HPSE: variants seen among roughly 807,000 people sequenced by gnomAD.
The protein encoded by HPSE is heparanase.
HPSE carries 48 observed loss-of-function variants against 65.1 expected under a neutral mutation model. The observed-to-expected ratio is 0.74, with a 90% CI of 0.58 to 0.94. HPSE has a LOEUF of 0.94. Among genes scored for constraint, HPSE ranks in the 40% least tolerant of loss-of-function variants. The pLI is 0.00. For synonymous variants in HPSE, 243 were observed against 260.0 expected (o/e 0.93, Z 0.63); for missense variants, 644 against 637.5 (o/e 1.01, Z -0.11).
intron 4 of HPSE, 38 bp downstream of exon 4, chr4:83,313,076 G>GA: frequency 8.1e-7 from 1 of 1,238,534 alleles, no homozygotes; most frequent in Non-Finnish European, 1.1e-6. Flanking sequence ...GCTAGTGGGG[G>GA]ATCTCCTTAT....
intron 6 of HPSE, among the ~76,000 whole-genome samples, 171 bp downstream of exon 6, chr4:83,309,860 T>A (rs11732892): frequency 0.71 from 108,269 of 152,122 alleles, 39,289 homozygotes; most frequent in East Asian, 0.87. Context: ...AAAATAACTT[T>A]AAATTTTTTT....
chr4:83,303,988 A>C (rs909825211), intron 9 of HPSE, among the ~76,000 whole-genome samples: 3 of 146,168 alleles, frequency 2.1e-5, no homozygotes, highest in Non-Finnish European at 3.0e-5. Flanking sequence ...CTTAGTTGGG[A>C]TGGACCTCTG....
rs149701279 is a variant in HPSE at position 83,295,330 on chromosome 4, A to G, written c.*14T>C. The G allele has an allele frequency of 3.7e-4, 591 of 1,597,750 alleles. 1 individual carries two copies. In the African/African-American group the frequency reaches 6.6e-3, roughly 18 times the overall value. ...ACTTGAAAAATTCAGTGTCAGGACT[A>G]GTATATTTTATTTTCAGATGCAAGC... is the stretch of plus-strand genomic sequence containing the variant. On this transcript the variant is annotated 3_prime_UTR_variant, in exon 12 of 12. Transcript: ENST00000311412.
intron 2 of HPSE, among the ~76,000 whole-genome samples, chr4:83,320,482 C>T (rs1055518712): frequency 2.6e-5 from 4 of 151,874 alleles, no homozygotes; most frequent in Non-Finnish European, 4.4e-5. Context: ...GGGAGGATGC[C>T]TTGAGCCTGG....
chr4:83,311,659 T>C (rs1012089373), intron 4 of HPSE, among the ~76,000 whole-genome samples: 1 of 151,746 alleles, frequency 6.6e-6, no homozygotes, highest in African/African-American at 2.4e-5. Flanking sequence ...AGGCATAGTG[T>C]AGTCCTAGCT....
chr4:83,300,568 A>C (rs1311182163), intron 11 of HPSE, among the ~76,000 whole-genome samples: 1 of 86,122 alleles, frequency 1.2e-5, no homozygotes, highest in Non-Finnish European at 2.9e-5. Context: ...GAATTATTAC[A>C]CTTTGGGAGG....
intron 1 of HPSE, among the ~76,000 whole-genome samples, chr4:83,331,091 C>G (rs1314896340): frequency 6.6e-6 from 1 of 152,082 alleles, no homozygotes; most frequent in Non-Finnish European, 1.5e-5. Flanking sequence ...CTAGTCCCAG[C>G]TACTTGGGAG....
intron 10 of HPSE, 29 bp downstream of exon 10, chr4:83,302,121 G>A: frequency 1.4e-6 from 2 of 1,464,060 alleles, no homozygotes; most frequent in South Asian, 1.1e-5. Context: ...AAAACTTGAT[G>A]ATTGGTAAAG....
chr4:83,316,037 T>C (rs945705335), intron 3 of HPSE, among the ~76,000 whole-genome samples: 1 of 151,898 alleles, frequency 6.6e-6, no homozygotes, highest in African/African-American at 2.4e-5. Context: ...TCTTTTCTCT[T>C]TTTTTTTGAG....
intron 1 of HPSE, among the ~76,000 whole-genome samples, chr4:83,332,691 A>AG (rs1578031609): frequency 1.3e-5 from 2 of 152,196 alleles, no homozygotes; most frequent in South Asian, 2.1e-4. Flanking sequence ...TCTACGTGTT[A>AG]GGGGGGTGTT....
rs908560537 is a variant in HPSE at position 83,293,987 on chromosome 4, C to T, written c.*1357G>A. 7 of 152,188 alleles carry T rather than the reference C, an allele frequency of 4.6e-5. No individual in the cohort carries two copies. The highest frequency in any genetic ancestry group is 7.3e-5 in the Non-Finnish European group (5 of 68,030). 9.4% of individuals were successfully genotyped at this position (152,188 alleles called of 1,614,324 possible). ...TAATACATTTTGAAAGATAAATATA[C>T]AGCTAAGCACCTTCTTAAAACTCAT... On this transcript the variant is annotated 3_prime_UTR_variant, in exon 12 of 12. Transcript: ENST00000311412.
At chr4:83,313,031 AAAAAAAAAAAGAAAAAG>A in intron 4 of HPSE, 66 bp downstream of exon 4, 1 of 1,024,624 alleles carries the variant, frequency 9.8e-7, no homozygotes, top group Non-Finnish European at 1.4e-6. Flanking sequence ...CAAAAAAAAA[AAAAAAAAAAAGAAAAAG>A]AAAAGAAAAG....
In HPSE at chr4:83,306,284, C is replaced by T; in HGVS notation, c.1125G>A (p.Met375Ile). The T allele has an allele frequency of 1.9e-6, 3 of 1,613,760 alleles. No homozygotes were observed. The highest frequency in any genetic ancestry group is 2.5e-6 in the Non-Finnish European group (3 of 1,179,650). The change falls in exon 9 of 12, where the codon ATG (methionine) becomes ATA (isoleucine). Residue 375 changes from methionine to isoleucine, a missense_variant. Coordinates refer to ENST00000311412, the MANE Select transcript of HPSE (RefSeq NM_001098540.3). ...WLDKLGLSARMGIEVVMRQVF... is the reference protein window; with the variant it reads ...WLDKLGLSARIGIEVVMRQVF... ...CTTGCCTCATCACCACTTCTATTCCCATTCGGGCTGACAGGCCCAATTTAT... is the reference window on the plus strand; with the variant it reads ...CTTGCCTCATCACCACTTCTATTCCTATTCGGGCTGACAGGCCCAATTTAT...
intron 9 of HPSE, 49 bp downstream of exon 9, chr4:83,306,154 G>A (rs1439549822): frequency 1.8e-6 from 2 of 1,120,144 alleles, no homozygotes; most frequent in Admixed American, 3.4e-5. Flanking sequence ...GAGGTCCTGA[G>A]TTGACTTTAA....
At chr4:83,316,866 G>A (rs367739790) in intron 3 of HPSE, among the ~76,000 whole-genome samples, 3 of 151,960 alleles carry the variant, frequency 2.0e-5, no homozygotes, top group African/African-American at 2.4e-5. Context: ...TGGGACACCC[G>A]TTTTTTTGTT....
intron 1 of HPSE, among the ~76,000 whole-genome samples, chr4:83,324,101 C>T (rs1351241624): frequency 8.3e-6 from 1 of 120,144 alleles, no homozygotes; most frequent in Non-Finnish European, 1.6e-5. Context: ...ATTGCCAATA[C>T]TTCTTCTTCT....
At chr4:83,307,733 C>A (rs1044018534) in intron 8 of HPSE, among the ~76,000 whole-genome samples, 5 of 152,124 alleles carry the variant, frequency 3.3e-5, no homozygotes, top group Admixed American at 2.6e-4. Context: ...CATCTCCATT[C>A]TTTATTCCTC....
At chr4:83,296,840 A>T (rs925937847) in intron 11 of HPSE, among the ~76,000 whole-genome samples, 1 of 152,156 alleles carries the variant, frequency 6.6e-6, no homozygotes, top group Non-Finnish European at 1.5e-5. Context: ...TATTACTAAG[A>T]TAAATAAAAG....
intron 3 of HPSE, 145 bp downstream of exon 3, chr4:83,319,199 G>C (rs1736774610): frequency 1.3e-6 from 1 of 795,138 alleles, no homozygotes; most frequent in Admixed American, 2.5e-5. Flanking sequence ...AGCAAGTTTT[G>C]AGTTTAGGAT....
Sources: allele counts gnomAD v4.1 joint callset (sites outside exome capture counted in the v4.1 genomes callset), GRCh38; gene constraint gnomAD v4.1.1; transcripts MANE v1.5; gene names NCBI Gene and HGNC (gene_info 2026-07-23, HGNC 2026-07-21).